The following TENM1 variants were observed in gnomAD, a reference collection of about 807,000 sequenced individuals.
TENM1 encodes the protein teneurin-1.
TENM1 carries 35 observed loss-of-function variants against 174.8 expected under a neutral mutation model. That is an observed-to-expected ratio of 0.20 (90% confidence interval 0.15 to 0.27). The LOEUF (loss-of-function observed/expected upper bound fraction) is 0.27, where lower values mean the gene tolerates loss of function less well. TENM1 is among the 10% of genes least tolerant of loss of function. The pLI is 1.00. For synonymous variants in TENM1, 781 were observed against 798.7 expected, an observed-to-expected ratio of 0.98 and a Z score of 0.37; for missense variants, 1,633 against 2,130.1, an observed-to-expected ratio of 0.77 and a Z score of 4.59.
intron 11 of TENM1, among the ~76,000 whole-genome samples, chrX:124,623,334 G>A (rs2050564547): frequency 9.0e-6 from 1 of 111,485 alleles, no homozygotes. Context: ...TTGGGTGCAT[G>A]TACATGAGTG....
chrX:124,885,776 C>A (rs2057373835), intron 3 of TENM1, among the ~76,000 whole-genome samples: 1 of 111,212 alleles, frequency 9.0e-6, no homozygotes, highest in Non-Finnish European at 1.9e-5. Context: ...AGATAGTCAA[C>A]TTGCCTCTGA....
chrX:124,586,305 C>T (rs1217785937), intron 11 of TENM1, among the ~76,000 whole-genome samples: 27 of 108,837 alleles, frequency 2.5e-4, no homozygotes, highest in Non-Finnish European at 3.4e-4. Flanking sequence ...ACTGGCAAAC[C>T]GAATCCAGCA....
In TENM1 at chrX:124,561,569, T is replaced by C. The variant is rs1004334041; in HGVS notation, c.2434+102A>G. On this transcript the variant is annotated intron_variant, in intron 14 of 31. Transcript: ENST00000422452. ...TTACCCTATATAACTCAGTATCATTTATACTAGAGATTCCTAATTTTCACC... is the reference window on the plus strand; with the variant it reads ...TTACCCTATATAACTCAGTATCATTCATACTAGAGATTCCTAATTTTCACC... 5.3e-6 allele frequency: 5 copies of C among 940,324 alleles called. No homozygotes were observed. The South Asian group carries it at 6.8e-5, about 13-fold the overall frequency. The allele number at this position is 940,324 out of a possible 1,213,427, so 77.5% of individuals were successfully genotyped here. A position where few individuals can be genotyped will look rare whatever the true frequency, so the allele number is the denominator to read the frequency against.
chrX:124,908,218 A>G (rs2057779436), intron 1 of TENM1, among the ~76,000 whole-genome samples: 1 of 111,729 alleles, frequency 9.0e-6, no homozygotes, highest in Non-Finnish European at 1.9e-5. Flanking sequence ...GGTTTGTTAC[A>G]TAGGTATACA....
At chrX:124,447,806 T>G (rs771364019) in intron 23 of TENM1, among the ~76,000 whole-genome samples, 1 of 111,439 alleles carries the variant, frequency 9.0e-6, no homozygotes, top group East Asian at 2.8e-4. Context: ...TAGAGTTTGG[T>G]CTTGAGCCTT....
At chrX:124,395,777 A>G (rs979813862) in intron 27 of TENM1, among the ~76,000 whole-genome samples, 1 of 112,184 alleles carries the variant, frequency 8.9e-6, no homozygotes, top group Non-Finnish European at 1.9e-5. Context: ...TTTCACAGCC[A>G]CATATCTCCA....
chrX:124,845,335 TGATTCA>T (rs2056585386), intron 3 of TENM1, among the ~76,000 whole-genome samples: 1 of 111,326 alleles, frequency 9.0e-6, no homozygotes, highest in African/African-American at 3.3e-5. Flanking sequence ...ATCCCGACTT[TGATTCA>T]GTAAGTCTTC....
intron 22 of TENM1, among the ~76,000 whole-genome samples, chrX:124,466,379 C>T (rs2061241246): frequency 8.9e-6 from 1 of 112,056 alleles, no homozygotes; most frequent in Non-Finnish European, 1.9e-5. Context: ...AAAATACTTC[C>T]AGACGCCATT....
At chrX:124,821,009 G>C (rs1011878008) in intron 3 of TENM1, among the ~76,000 whole-genome samples, 1 of 112,487 alleles carries the variant, frequency 8.9e-6, no homozygotes, top group East Asian at 2.8e-4. Context: ...CAAGATCTGG[G>C]ACAGAGCAGT....
the TENM1 span, among the ~76,000 whole-genome samples, chrX:125,111,166 A>T: frequency 8.9e-6 from 1 of 112,395 alleles, no homozygotes; most frequent in Non-Finnish European, 1.9e-5. Flanking sequence ...TAATTTAACC[A>T]TCATTCACAA....
chrX:124,549,536 A>G (rs767931424), intron 14 of TENM1, among the ~76,000 whole-genome samples: 1 of 112,139 alleles, frequency 8.9e-6, no homozygotes, highest in South Asian at 3.7e-4. Context: ...ATCTTAAAAA[A>G]AAACTAAAAA....
chrX:125,200,987 T>C, the TENM1 span, among the ~76,000 whole-genome samples: 1 of 112,097 alleles, frequency 8.9e-6, no homozygotes, highest in Non-Finnish European at 1.9e-5. Flanking sequence ...ATGTTTGTTT[T>C]ATTAATTAAC....
intron 3 of TENM1, among the ~76,000 whole-genome samples, chrX:124,778,547 T>C (rs1359132328): frequency 8.9e-6 from 1 of 111,980 alleles, no homozygotes; most frequent in Non-Finnish European, 1.9e-5. Flanking sequence ...AATAAAATAA[T>C]GTTGCTTTGG....
chrX:124,827,957 T>G (rs2056205330), intron 3 of TENM1, among the ~76,000 whole-genome samples: 1 of 111,669 alleles, frequency 9.0e-6, no homozygotes, highest in African/African-American at 3.3e-5. Flanking sequence ...CCTTTATATG[T>G]ATATATTTCA....
chrX:125,181,203 A>G, the TENM1 span, among the ~76,000 whole-genome samples: 1 of 112,034 alleles, frequency 8.9e-6, no homozygotes, highest in African/African-American at 3.2e-5. Flanking sequence ...TATTATTCTC[A>G]TCTTAGAGGT....
At chrX:124,839,739 A>G (rs904164759) in intron 3 of TENM1, among the ~76,000 whole-genome samples, 7 of 112,120 alleles carry the variant, frequency 6.2e-5, no homozygotes, top group Admixed American at 5.7e-4. Flanking sequence ...AAGTACATCA[A>G]TGGTCATTTA....
chrX:124,683,539 A>C (rs1453851326), intron 5 of TENM1, among the ~76,000 whole-genome samples: 2 of 112,098 alleles, frequency 1.8e-5, no homozygotes, highest in Middle Eastern at 4.6e-3. Context: ...ATAAGAGAGA[A>C]ATGGGAACTC....
At chrX:125,111,257 T>C in the TENM1 span, among the ~76,000 whole-genome samples, 2 of 111,240 alleles carry the variant, frequency 1.8e-5, no homozygotes, top group Non-Finnish European at 3.8e-5. Flanking sequence ...GATTCAGTAC[T>C]ACAGTAGCAA....
the TENM1 span, among the ~76,000 whole-genome samples, chrX:125,046,355 A>G: frequency 1.8e-5 from 2 of 112,457 alleles, no homozygotes; most frequent in African/African-American, 6.4e-5. Context: ...GGCTTGCCAA[A>G]GAAAGTATGT....
Sources: allele counts gnomAD v4.1 joint callset (sites outside exome capture counted in the v4.1 genomes callset), GRCh38; gene constraint gnomAD v4.1.1; transcripts MANE v1.5; gene names NCBI Gene and HGNC (gene_info 2026-07-23, HGNC 2026-07-21).